The following ANK3 variants were observed in gnomAD, a reference collection of about 807,000 sequenced individuals.
ANK3 encodes the protein ankyrin 3.
In ANK3, 57 loss-of-function variants were observed where a neutral mutation model predicts 370.9. The ratio of observed to expected loss-of-function variants is 0.15; its 90% CI spans 0.12 to 0.19. The LOEUF (loss-of-function observed/expected upper bound fraction) is 0.19, where lower values mean the gene tolerates loss of function less well. Among genes scored for constraint, ANK3 ranks in the 10% least tolerant of loss-of-function variants. ANK3 has a pLI of 1.00. For missense variants in ANK3, 4,439 were observed against 5,302.1 expected (o/e 0.84, Z 5.06); for synonymous variants, 1,929 against 1,946.3 (o/e 0.99, Z 0.23).
chr10:60,624,468 T>C (rs1287961226), intron 1 of ANK3, among the ~76,000 whole-genome samples: 1 of 152,182 alleles, frequency 6.6e-6, no homozygotes, highest in Non-Finnish European at 1.5e-5. Flanking sequence ...TTCTAGACCC[T>C]GATCTGTGTT....
chr10:60,301,690 T>C (rs552018821), intron 1 of ANK3, among the ~76,000 whole-genome samples: 1 of 152,296 alleles, frequency 6.6e-6, no homozygotes, highest in East Asian at 1.9e-4. Flanking sequence ...GTGCTGGGAT[T>C]ACAGGCATGA....
Position 60,547,924 on chromosome 10 carries a change from G to GA in ANK3, c.96+67261dup, listed in dbSNP as rs201772249. On this transcript the variant is annotated intron_variant, in intron 2 of 43. Transcript: ENST00000373827. ...GCCCTAAGTTTTATTTAATTTCTAA[G>GA]AAAAAAAACTACATAAATTTCCTTT... 5.9e-3 allele frequency among the ~76,000 whole-genome samples: 889 copies of GA among 151,580 alleles called. 10 individuals carry two copies. Among genetic ancestry groups the GA allele is most frequent in the African/African-American group, 0.021 (848 of 41,364 alleles).
At chr10:60,594,534 G>A (rs1567170148) in intron 2 of ANK3, among the ~76,000 whole-genome samples, 1 of 151,934 alleles carries the variant, frequency 6.6e-6, no homozygotes, top group Non-Finnish European at 1.5e-5. Flanking sequence ...ATAACATTGT[G>A]CAAATTAATG....
At chr10:60,377,989 T>C (rs1440475245) in intron 1 of ANK3, among the ~76,000 whole-genome samples, 1 of 152,224 alleles carries the variant, frequency 6.6e-6, no homozygotes, top group Admixed American at 6.5e-5. Flanking sequence ...TAGCAAAGTC[T>C]AAAAGCATCT....
chr10:60,642,402 A>G (rs1395952660), intron 1 of ANK3, among the ~76,000 whole-genome samples: 1 of 152,044 alleles, frequency 6.6e-6, no homozygotes, highest in Non-Finnish European at 1.5e-5. Flanking sequence ...ACAATGATAG[A>G]CTGGATTAAG....
intron 42 of ANK3, among the ~76,000 whole-genome samples, chr10:60,053,275 A>T (rs1210661938): frequency 1.3e-5 from 2 of 152,208 alleles, no homozygotes; most frequent in African/African-American, 4.8e-5. Flanking sequence ...GGATGAGGCA[A>T]AAGGGAAAAC....
In ANK3 at chr10:60,028,830, A is replaced by C. The variant is rs1588956785; in HGVS notation, c.*1016T>G. The stretch of plus-strand genomic sequence containing the variant: ...AAGCACTAACAGATAGCATCCCCCC[A>C]CCCCCTAAAGCAACTACCGTATAGG... On this transcript the variant is annotated 3_prime_UTR_variant, in exon 44 of 44. Coordinates refer to ENST00000280772, the MANE Select transcript of ANK3 (RefSeq NM_020987.5). 2.7e-5 allele frequency: 4 copies of C among 146,354 alleles called. No individual in the cohort carries two copies. Among genetic ancestry groups the C allele is most frequent in the Non-Finnish European group, 3.0e-5 (2 of 66,436 alleles). 9.1% of individuals were successfully genotyped at this position (146,354 alleles called of 1,614,324 possible). A position where few individuals can be genotyped will look rare whatever the true frequency, so the allele number is the denominator to read the frequency against.
intron 9 of ANK3, among the ~76,000 whole-genome samples, chr10:60,210,975 T>C (rs1225426950): frequency 6.6e-6 from 1 of 152,086 alleles, no homozygotes; most frequent in Non-Finnish European, 1.5e-5. Flanking sequence ...CCATCTGATG[T>C]TACTGAATGG....
At chr10:60,549,004 G>A (rs2077032190) in intron 2 of ANK3, among the ~76,000 whole-genome samples, 1 of 151,990 alleles carries the variant, frequency 6.6e-6, no homozygotes, top group Non-Finnish European at 1.5e-5. Context: ...GGAATATTGT[G>A]GGCATTTCCA....
chr10:60,535,498 G>C (rs1438337047), intron 2 of ANK3, among the ~76,000 whole-genome samples: 1 of 151,974 alleles, frequency 6.6e-6, no homozygotes, highest in Non-Finnish European at 1.5e-5. Context: ...GCTATATATA[G>C]TAGAAATAAT....
chr10:60,395,848 T>C (rs2063227432), intron 2 of ANK3, among the ~76,000 whole-genome samples: 1 of 152,016 alleles, frequency 6.6e-6, no homozygotes, highest in African/African-American at 2.4e-5. Flanking sequence ...ACACCAATAA[T>C]TAGAACACAC....
At position 60,514,193 on chromosome 10, in the gene ANK3, G is replaced by A. The variant is rs566094470; in HGVS notation, c.96+100993C>T. On this transcript the variant is annotated intron_variant, in intron 2 of 43. Transcript: ENST00000373827. The stretch of plus-strand genomic sequence containing the variant: ...GTTTACATTATCAGTAAGGCTGCCC[G>A]TCAACAGTAGGCTATTAGTAGTTAA... Among the ~76,000 whole-genome samples the A allele has an allele frequency of 4.1e-4, 63 of 152,172 alleles. No homozygotes were observed. In the South Asian group the frequency reaches 0.011, roughly 26 times the overall value.
chr10:60,400,009 A>AGT (rs60224309), intron 2 of ANK3, among the ~76,000 whole-genome samples: 10,829 of 145,708 alleles, frequency 0.074, 421 homozygotes, highest in Admixed American at 0.096. Context: ...CCTCCAATAC[A>AGT]GTGTGTGTGT....
At position 60,042,545 on chromosome 10, in the gene ANK3, T is replaced by C. The variant is rs1038845271; in HGVS notation, c.*19+127A>G. On this transcript the variant is annotated intron_variant, in intron 43 of 43. Coordinates refer to ENST00000280772, the MANE Select transcript of ANK3 (RefSeq NM_020987.5). ...TCAACAGAACTTGAACAACTTCGTATTTGATTTTCAAAGCTGAAATTCAGT... is the reference window on the plus strand; with the variant it reads ...TCAACAGAACTTGAACAACTTCGTACTTGATTTTCAAAGCTGAAATTCAGT... 4 of 958,534 alleles carry C rather than the reference T, an allele frequency of 4.2e-6. No individual in the cohort carries two copies. In the African/African-American group the frequency reaches 6.6e-5, roughly 16 times the overall value. The allele number at this position is 958,534 out of a possible 1,614,324, so 59.4% of individuals were successfully genotyped here.
At chr10:60,325,252 C>T (rs981703835) in intron 1 of ANK3, among the ~76,000 whole-genome samples, 3 of 152,174 alleles carry the variant, frequency 2.0e-5, no homozygotes, top group Non-Finnish European at 4.4e-5. Context: ...GCTTCTTGCT[C>T]CCATCATAGA....
At chr10:60,118,899 T>C (rs1277720909) in intron 25 of ANK3, among the ~76,000 whole-genome samples, 2 of 152,214 alleles carry the variant, frequency 1.3e-5, no homozygotes, top group Non-Finnish European at 2.9e-5. Context: ...TCATGTAATA[T>C]TTATCAAAGC....
intron 23 of ANK3, among the ~76,000 whole-genome samples, chr10:60,147,310 TATACA>T (rs2094878431): frequency 6.6e-6 from 1 of 152,152 alleles, no homozygotes; most frequent in East Asian, 1.9e-4. Flanking sequence ...GTGCTCAAGG[TATACA>T]ATAGAGTGAG....
In ANK3 at chr10:60,133,858, GC is replaced by G. The variant is rs142347062; in HGVS notation, c.2841+412del. Reference sequence around the variant, plus strand: ...CACTTGAGCCCAGGAGGCAGAGGCTGCAGTGAGCTGACATCATGCCACTGCA... The same window carrying G: ...CACTTGAGCCCAGGAGGCAGAGGCTGAGTGAGCTGACATCATGCCACTGCA... On this transcript the variant is annotated intron_variant, in intron 25 of 43. Transcript: ENST00000280772. Among the ~76,000 whole-genome samples the G allele has an allele frequency of 9.6e-3, 1,462 of 152,260 alleles. 27 individuals are homozygous for G. Among genetic ancestry groups the G allele is most frequent in the African/African-American group, 0.033 (1,355 of 41,542 alleles).
intron 43 of ANK3, among the ~76,000 whole-genome samples, chr10:60,032,194 C>CTTTTTTTTTTTTTTTTTTTTTTGTT (rs2073801461): frequency 2.3e-5 from 1 of 43,114 alleles, no homozygotes; most frequent in Non-Finnish European, 4.5e-5. Flanking sequence ...TACACAGCTT[C>CTTTTTTTTTTTTTTTTTTTTTTGTT]TTTTTTTTTT....
Sources: allele counts gnomAD v4.1 joint callset (sites outside exome capture counted in the v4.1 genomes callset), GRCh38; gene constraint gnomAD v4.1.1; transcripts MANE v1.5; gene names NCBI Gene and HGNC (gene_info 2026-07-23, HGNC 2026-07-21).